ARCN1: variants seen among roughly 807,000 people sequenced by gnomAD.
ARCN1 encodes archain 1 coat protein complex I subunit delta.
A neutral mutation model predicts 60.4 loss-of-function variants in ARCN1; 5 were observed. The ratio of observed to expected loss-of-function variants is 0.08; its 90% CI spans 0.04 to 0.17. The LOEUF is 0.17. ARCN1 is among the 10% of genes least tolerant of loss of function. The probability of loss-of-function intolerance (pLI) is 1.00; values close to 1 mark genes in which losing one functional copy is unlikely to be tolerated. For missense variants in ARCN1, 464 were observed against 626.5 expected (o/e 0.74, Z 2.77); for synonymous variants, 224 against 220.0 (o/e 1.02, Z -0.16).
chr11:118,584,359 T>C, intron 4 of ARCN1, 121 bp from the exon 5 acceptor site: 1 of 902,322 alleles, frequency 1.1e-6, no homozygotes, highest in Non-Finnish European at 1.6e-6. Context: ...TACCCAAAAT[T>C]ATATACAAAA....
At chr11:118,583,085 G>T in intron 2 of ARCN1, 94 bp from the exon 3 acceptor site, 5 of 1,379,190 alleles carry the variant, frequency 3.6e-6, no homozygotes, top group Admixed American at 2.0e-5. Context: ...AGGGATTTAG[G>T]TTATTGAAAT....
At position 118,600,611 on chromosome 11, in the gene ARCN1, G is replaced by A. The variant is rs1939126541; in HGVS notation, c.1447-14G>A. The A allele has an allele frequency of 2.5e-6, 4 of 1,596,620 alleles. No homozygotes were observed. The South Asian group carries it at 3.4e-5, about 13-fold the overall frequency. ...AACCTCCTGCTTTACCTTACTCTTT[G>A]TTTATTTTCCTAGGTTACCAAAGTG... On this transcript the variant is annotated splice_polypyrimidine_tract_variant and intron_variant, in intron 9 of 9. Transcript: ENST00000264028.
chr11:118,593,706 C>T lies in ARCN1; in HGVS notation c.1241+8C>T. ...TATCACCATCCCACTCCCGTAAGTG[C>T]TGTCCCTGTGTCCTCTACGGTGGAC... On this transcript the variant is annotated splice_region_variant and intron_variant, in intron 8 of 9. Coordinates refer to ENST00000264028, the MANE Select transcript of ARCN1 (RefSeq NM_001655.5). 6.3e-7 allele frequency: 1 copy of T among 1,583,552 alleles called. No homozygotes were observed. Among genetic ancestry groups the T allele is most frequent in the Non-Finnish European group, 8.7e-7 (1 of 1,152,618 alleles).
rs138215046 is a variant in ARCN1 at position 118,582,417 on chromosome 11, G to A, written c.268-762G>A. On this transcript the variant is annotated intron_variant, in intron 2 of 9. Transcript: ENST00000264028. ...AGTGCTGGGATTACAGGCATGAGCC[G>A]CTGCACCCGGCTGTAAGAATCAGGG... Among the ~76,000 whole-genome samples the A allele has an allele frequency of 6.9e-3, 1,054 of 152,066 alleles. 11 individuals are homozygous for A. Among genetic ancestry groups the A allele is most frequent in the African/African-American group, 0.022 (932 of 41,518 alleles).
intron 5 of ARCN1, among the ~76,000 whole-genome samples, chr11:118,589,902 A>G (rs530283821): frequency 2.6e-5 from 4 of 152,372 alleles, no homozygotes; most frequent in African/African-American, 9.6e-5. Flanking sequence ...GTTGATAGCT[A>G]TAGCAGTAGC....
intron 9 of ARCN1, 101 bp from the exon 10 acceptor site, chr11:118,600,524 A>T: frequency 1.3e-6 from 1 of 740,924 alleles, no homozygotes; most frequent in Non-Finnish European, 2.2e-6. Context: ...TACTTTTAAT[A>T]CCGCTTTTAG....
chr11:118,590,370 C>T lies in ARCN1; in HGVS notation c.848C>T (p.Thr283Ile). The T allele has an allele frequency of 1.2e-6, 2 of 1,613,802 alleles. No homozygotes were observed. The highest frequency in any genetic ancestry group is 1.7e-6 in the Non-Finnish European group (2 of 1,179,700). Residue 283 changes from threonine to isoleucine, a missense_variant, in exon 6 of 10, where the codon ACA becomes ATA. Transcript: ENST00000264028. ...SVHMKIEEKI[T>I]LTCGRDGGLQ... ...CATATGAAGATTGAAGAAAAGATAA[C>T]ATTAACCTGTGGACGAGACGGAGGA...
intron 8 of ARCN1, among the ~76,000 whole-genome samples, chr11:118,596,081 G>A (rs1260966921): frequency 6.6e-6 from 1 of 151,292 alleles, no homozygotes; most frequent in Non-Finnish European, 1.5e-5. Context: ...AAAAAAAAAA[G>A]TACTAATTTA....
At chr11:118,582,990 G>A (rs1938694636) in intron 2 of ARCN1, among the ~76,000 whole-genome samples, 189 bp from the exon 3 acceptor site, 1 of 152,170 alleles carries the variant, frequency 6.6e-6, no homozygotes, top group African/African-American at 2.4e-5. Flanking sequence ...GCAGTGAGCC[G>A]AGATGGCACC....
At chr11:118,581,585 A>C (rs1938650767) in intron 2 of ARCN1, 76 bp downstream of exon 2, 6 of 1,489,364 alleles carry the variant, frequency 4.0e-6, no homozygotes, top group Non-Finnish European at 5.4e-6. Context: ...CCTCCAAAGC[A>C]GCTGATGCTA....
intron 1 of ARCN1, among the ~76,000 whole-genome samples, chr11:118,574,722 C>A (rs1400443974): frequency 6.6e-6 from 1 of 151,876 alleles, no homozygotes; most frequent in Non-Finnish European, 1.5e-5. Flanking sequence ...CTCATGACTT[C>A]ATCATAAAAT....
Position 118,597,804 on chromosome 11 carries a change from G to A in ARCN1, c.1339G>A (p.Ala447Thr). 1 of 1,614,162 alleles carries A rather than the reference G, an allele frequency of 6.2e-7. No individual in the cohort carries two copies. Among genetic ancestry groups the A allele is most frequent in the Non-Finnish European group, 8.5e-7 (1 of 1,180,034 alleles). The change falls in exon 9 of 10, where the codon GCC becomes ACC. Residue 447 changes from alanine (A) to threonine (T), a missense_variant. This residue lies in a region of ARCN1 where 359 missense variants were observed against 440.2 expected (regional missense o/e 0.82). Transcript: ENST00000264028. ...TLEWCLPVID[A>T]KNKSGSLEFS... ...GGAGTGGTGCCTGCCTGTGATTGAT[G>A]CCAAAAATAAGAGTGGCAGCCTGGA...
chr11:118,573,903 A>T (rs116814359), intron 1 of ARCN1: 29 of 467,622 alleles, frequency 6.2e-5, no homozygotes, highest in African/African-American at 5.4e-4. Context: ...TGATTTTGAA[A>T]CTCAGTTCCC....
intron 8 of ARCN1, among the ~76,000 whole-genome samples, chr11:118,597,184 C>T (rs1412091471): frequency 5.9e-5 from 9 of 152,066 alleles, no homozygotes; most frequent in African/African-American, 1.2e-4. Flanking sequence ...TCCAGCCTGG[C>T]GACAGAGCAA....
At chr11:118,593,016 A>G (rs1938947019) in intron 7 of ARCN1, among the ~76,000 whole-genome samples, 160 bp downstream of exon 7, 1 of 152,184 alleles carries the variant, frequency 6.6e-6, no homozygotes, top group South Asian at 2.1e-4. Context: ...TATTTTTATC[A>G]TTAGTTTTCA....
chr11:118,572,682 G>A (rs1938375451), intron 1 of ARCN1, 132 bp downstream of exon 1: 2 of 1,189,722 alleles, frequency 1.7e-6, no homozygotes, highest in Non-Finnish European at 2.4e-6. Flanking sequence ...CTCCGGGCTC[G>A]GGGAGCAGTG....
chr11:118,597,300 C>T (rs1282753378), intron 8 of ARCN1, among the ~76,000 whole-genome samples: 2 of 152,194 alleles, frequency 1.3e-5, no homozygotes, highest in Non-Finnish European at 2.9e-5. Flanking sequence ...TATCAATCTG[C>T]TTGTTTCCCC....
chr11:118,577,970 A>G (rs1019935825), intron 1 of ARCN1, among the ~76,000 whole-genome samples: 1 of 152,088 alleles, frequency 6.6e-6, no homozygotes, highest in Non-Finnish European at 1.5e-5. Flanking sequence ...AGCCTGCCCA[A>G]CATGGCAAAA....
intron 1 of ARCN1, among the ~76,000 whole-genome samples, chr11:118,580,144 G>A (rs578075909): frequency 2.6e-5 from 4 of 152,262 alleles, no homozygotes; most frequent in East Asian, 1.9e-4. Context: ...GCAACATGGT[G>A]AAACCCCACT....
Sources: allele counts gnomAD v4.1 joint callset (sites outside exome capture counted in the v4.1 genomes callset), GRCh38; gene constraint gnomAD v4.1.1; regional missense constraint gnomAD v4.1.1; transcripts MANE v1.5; gene names NCBI Gene and HGNC (gene_info 2026-07-23, HGNC 2026-07-21).